Variants in DNAH9 observed in about 807,000 individuals in gnomAD.
DNAH9 encodes DNAH9 variant protein.
Under a neutral mutation model 471.6 loss-of-function variants are expected in DNAH9, and 345 were observed. The observed-to-expected ratio is 0.73, with a 90% CI of 0.67 to 0.80. The LOEUF (loss-of-function observed/expected upper bound fraction) is 0.80, where lower values mean the gene tolerates loss of function less well. DNAH9 is among the 30% of genes least tolerant of loss of function. DNAH9 has a pLI of 0.00. For missense variants in DNAH9, 5,407 were observed against 5,609.2 expected (o/e 0.96, Z 1.15); for synonymous variants, 2,093 against 2,123.6 (o/e 0.99, Z 0.40).
rs1475881278 is a variant in DNAH9 at position 11,871,898 on chromosome 17, A to G, written c.10242+112A>G. 5.2e-6 allele frequency: 6 copies of G among 1,144,940 alleles called. No individual in the cohort carries two copies. The Admixed American group carries it at 1.3e-4, about 24-fold the overall frequency. The allele number at this position is 1,144,940 out of a possible 1,614,324, so 70.9% of individuals were successfully genotyped here. A position where few individuals can be genotyped will look rare whatever the true frequency, so the allele number is the denominator to read the frequency against. On this transcript the variant is annotated intron_variant, in intron 52 of 68. Transcript: ENST00000262442. ...GTCCTCCTGCACACTCATCCCCACC[A>G]CCCCCTGAGCACCAGGTGTGAAACC...
intron 28 of DNAH9, among the ~76,000 whole-genome samples, chr17:11,728,187 T>C (rs1274147802): frequency 1.3e-5 from 2 of 152,122 alleles, no homozygotes; most frequent in African/African-American, 4.8e-5. Context: ...AGAATATCTG[T>C]CCTGCCTGCT....
At chr17:11,609,927 T>C (rs1261189455) in intron 2 of DNAH9, among the ~76,000 whole-genome samples, 1 of 152,188 alleles carries the variant, frequency 6.6e-6, no homozygotes, top group East Asian at 1.9e-4. Flanking sequence ...CACAGGGAGT[T>C]AGAAATGGTT....
intron 61 of DNAH9, among the ~76,000 whole-genome samples, chr17:11,909,697 C>T (rs926740744): frequency 3.3e-5 from 5 of 152,128 alleles, no homozygotes; most frequent in South Asian, 2.1e-4. Flanking sequence ...AGATGAGACA[C>T]GCTGCTGCCC....
intron 42 of DNAH9, among the ~76,000 whole-genome samples, chr17:11,796,429 TTTTTTA>T (rs1320366881): frequency 2.0e-5 from 3 of 152,366 alleles, no homozygotes; most frequent in East Asian, 1.9e-4. Flanking sequence ...ATCTAATAAC[TTTTTTA>T]TTTTTAACTC....
chr17:11,712,251 A>G (rs8081149), intron 26 of DNAH9, among the ~76,000 whole-genome samples: 10,450 of 148,930 alleles, frequency 0.07, 1,234 homozygotes, highest in African/African-American at 0.24. Context: ...ATGGCAGAGC[A>G]TGTGTCTGTA....
chr17:11,644,732 G>T (rs1180376245), intron 11 of DNAH9, 33 bp downstream of exon 11: 2 of 1,476,620 alleles, frequency 1.4e-6, no homozygotes, highest in Non-Finnish European at 1.9e-6. Flanking sequence ...TGGGTCTGCA[G>T]ATTGCACAGC....
At chr17:11,845,046 G>A (rs1350154076) in intron 49 of DNAH9, among the ~76,000 whole-genome samples, 17 of 149,344 alleles carry the variant, frequency 1.1e-4, no homozygotes, top group Admixed American at 1.1e-3. Context: ...GGGTACATGT[G>A]CACAATGTGC....
chr17:11,719,104 C>A (rs1413603366), intron 26 of DNAH9, among the ~76,000 whole-genome samples: 1 of 151,918 alleles, frequency 6.6e-6, no homozygotes, highest in African/African-American at 2.4e-5. Context: ...AGCAAGCAGA[C>A]CCAGAAGAAG....
chr17:11,872,813 G>A (rs1340603821), intron 52 of DNAH9, among the ~76,000 whole-genome samples: 5 of 152,276 alleles, frequency 3.3e-5, no homozygotes, highest in South Asian at 4.1e-4. Flanking sequence ...CCAGCTACTC[G>A]GGAGGCTGAG....
At chr17:11,704,103 T>A in intron 24 of DNAH9, 100 bp from the exon 25 acceptor site, 1 of 1,339,410 alleles carries the variant, frequency 7.5e-7, no homozygotes, top group Non-Finnish European at 1.1e-6. Context: ...GGGGCTCATG[T>A]CACCCACACA....
At position 11,617,582 on chromosome 17, in the gene DNAH9, CTG is replaced by C; in HGVS notation, c.1079_1080del (p.Val360AlafsTer15). 6.2e-7 allele frequency: 1 copy of C among 1,614,174 alleles called. No homozygotes were observed. The highest frequency in any genetic ancestry group is 8.5e-7 in the Non-Finnish European group (1 of 1,180,034). On this transcript the variant is annotated frameshift_variant, in exon 5 of 69. Coordinates refer to ENST00000262442, the MANE Select transcript of DNAH9 (RefSeq NM_001372.4). LOFTEE classifies it high-confidence loss of function. ...TCCTACCGCTCCCCGGGAAGGCTGA[CTG>C]TGCTGCTCCAGGAGATTTGCAACCT...
chr17:11,694,360 C>A lies in DNAH9; in HGVS notation c.4785C>A (p.Asp1595Glu), dbSNP rs774901321. The A allele has an allele frequency of 6.2e-7, 1 of 1,613,894 alleles. No homozygotes were observed. The highest frequency in any genetic ancestry group is 1.1e-5 in the South Asian group (1 of 91,054). ...LCEKALAEYLDTKRLAFPRFY... is the reference protein window; with the variant it reads ...LCEKALAEYLETKRLAFPRFY... Reference sequence around the variant, plus strand: ...AGAAGGCCCTGGCAGAGTACCTCGACACCAAGAGGCTTGCCTTCCCGCGGT... The same window carrying A: ...AGAAGGCCCTGGCAGAGTACCTCGAAACCAAGAGGCTTGCCTTCCCGCGGT... Residue 1595 changes from aspartate (D) to glutamate (E), a missense_variant, in exon 22 of 69, where the codon GAC becomes GAA. Transcript: ENST00000262442.
chr17:11,668,475 G>A lies in DNAH9; in HGVS notation c.2732-589G>A, dbSNP rs546742761. Among the ~76,000 whole-genome samples the A allele has an allele frequency of 1.1e-4, 17 of 152,176 alleles. No individual in the cohort carries two copies. The South Asian group carries it at 3.5e-3, about 32-fold the overall frequency. On this transcript the variant is annotated intron_variant, in intron 15 of 68. Coordinates refer to ENST00000262442, the MANE Select transcript of DNAH9 (RefSeq NM_001372.4). Reference sequence around the variant, plus strand: ...AGGTCAGGAGTTTGAGACCAGCCTGGCCAGTGTGGTGACACCCTATCTCTA... The same window carrying A: ...AGGTCAGGAGTTTGAGACCAGCCTGACCAGTGTGGTGACACCCTATCTCTA...
intron 10 of DNAH9, among the ~76,000 whole-genome samples, chr17:11,642,442 C>T (rs2073293722): frequency 1.3e-5 from 2 of 152,070 alleles, no homozygotes; most frequent in Non-Finnish European, 2.9e-5. Context: ...ATCCCAGCTA[C>T]TCAGGACGCT....
intron 26 of DNAH9, 92 bp downstream of exon 26, chr17:11,705,277 A>G (rs1004308701): frequency 3.5e-6 from 4 of 1,137,350 alleles, no homozygotes; most frequent in South Asian, 2.8e-5. Flanking sequence ...GTCACTTGCT[A>G]TTTGTCCATA....
Position 11,669,562 on chromosome 17 carries a change from G to A in DNAH9, c.3121G>A (p.Glu1041Lys), listed in dbSNP as rs2073941372. 3.1e-6 allele frequency: 5 copies of A among 1,614,126 alleles called. No homozygotes were observed. In the African/African-American group the frequency reaches 5.3e-5, roughly 17 times the overall value. The change falls in exon 17 of 69, where the codon GAA becomes AAA. Residue 1041 changes from glutamate to lysine, a missense_variant. By Grantham distance (56) the Glu-to-Lys change is moderately conservative. Transcript: ENST00000262442. ...YGHILTPEEI[E>K]DHVEDGIPEN... ...GCACATCCTCACTCCGGAAGAAATT[G>A]AAGACCATGTGGAAGATGGCATCCC... is the stretch of plus-strand genomic sequence containing the variant.
chr17:11,919,120 A>G (rs1007335898), intron 61 of DNAH9, among the ~76,000 whole-genome samples: 3 of 152,174 alleles, frequency 2.0e-5, no homozygotes, highest in East Asian at 1.9e-4. Flanking sequence ...TGCAGACAAA[A>G]TGGCAGTAAT....
At chr17:11,820,348 T>G (rs1970264474) in intron 45 of DNAH9, among the ~76,000 whole-genome samples, 1 of 152,148 alleles carries the variant, frequency 6.6e-6, no homozygotes, top group African/African-American at 2.4e-5. Context: ...AATTTTACTT[T>G]CACATATTGT....
intron 6 of DNAH9, 131 bp downstream of exon 6, chr17:11,619,912 A>G: frequency 3.2e-6 from 2 of 629,322 alleles, no homozygotes; most frequent in Non-Finnish European, 5.7e-6. Flanking sequence ...ATAATCCATA[A>G]TAAAGGTTCA....
Sources: gnomAD v4.1 joint callset for allele counts (sites outside exome capture counted in the v4.1 genomes callset) on GRCh38, gnomAD v4.1.1 for gene constraint, MANE v1.5 for transcripts, NCBI Gene and HGNC (gene_info 2026-07-23, HGNC 2026-07-21) for gene names.